SAGE1: variants seen among roughly 807,000 people sequenced by gnomAD.
SAGE1 encodes sarcoma antigen 1.
A neutral mutation model predicts 55.4 loss-of-function variants in SAGE1; 55 were observed. The ratio of observed to expected loss-of-function variants is 0.99; its 90% CI spans 0.80 to 1.24. The LOEUF is 1.24. Ranked by LOEUF, SAGE1 falls within the 50% of genes most tolerant of loss-of-function variation. The pLI is 0.00. For synonymous variants in SAGE1, 240 were observed against 244.3 expected (o/e 0.98, Z 0.17); for missense variants, 710 against 704.4 (o/e 1.01, Z -0.09).
In SAGE1 at chrX:135,904,585, C is replaced by G; in HGVS notation, c.313+16C>G. ...CCATGGCCTGGTAATATGGCAGCAG[C>G]AGGAATTTCATCCATGAGTATGAAA... is the stretch of plus-strand genomic sequence containing the variant. On this transcript the variant is annotated intron_variant, in intron 4 of 19. Coordinates refer to ENST00000370709, the MANE Select transcript of SAGE1 (RefSeq NM_001381902.1). 9.6e-7 allele frequency: 1 copy of G among 1,045,805 alleles called. No individual in the cohort carries two copies. The highest frequency in any genetic ancestry group is 3.1e-5 in the East Asian group (1 of 32,765). The allele number at this position is 1,045,805 out of a possible 1,213,427, so 86.2% of individuals were successfully genotyped here.
At chrX:135,901,262 A>C (rs2088674760) in intron 2 of SAGE1, among the ~76,000 whole-genome samples, 1 of 109,930 alleles carries the variant, frequency 9.1e-6, no homozygotes, top group Admixed American at 9.8e-5. Context: ...CCATATGTTT[A>C]TACCTTTGGA....
chrX:135,895,518 A>C (rs1556592935), intron 1 of SAGE1, among the ~76,000 whole-genome samples: 1 of 112,422 alleles, frequency 8.9e-6, no homozygotes, highest in Admixed American at 9.4e-5. Context: ...CCCACTACCC[A>C]GTGTTCCCTG....
Position 135,912,921 on chromosome X carries a change from A to G in SAGE1, c.*24A>G, listed in dbSNP as rs782113832. 9.8e-7 allele frequency: 1 copy of G among 1,024,441 alleles called. No homozygotes were observed. The highest frequency in any genetic ancestry group is 1.4e-6 in the Non-Finnish European group (1 of 729,295). 84.4% of individuals were successfully genotyped at this position (1,024,441 alleles called of 1,213,427 possible). On this transcript the variant is annotated 3_prime_UTR_variant, in exon 20 of 20. Transcript: ENST00000370709. The stretch of plus-strand genomic sequence containing the variant: ...AATTGTGTTAGTGCAAAGACCAAGG[A>G]GAAACAAGGACATATGCTGTAGGAT...
intron 2 of SAGE1, among the ~76,000 whole-genome samples, chrX:135,899,296 T>C (rs1202395983): frequency 1.8e-5 from 2 of 112,085 alleles, no homozygotes; most frequent in East Asian, 5.6e-4. Context: ...GAAGATCAGA[T>C]AATTATCACT....
At chrX:135,901,138 G>A (rs1326103644) in intron 2 of SAGE1, among the ~76,000 whole-genome samples, 11 of 17,824 alleles carry the variant, frequency 6.2e-4, no homozygotes, top group Admixed American at 3.0e-3. Flanking sequence ...GCAAGACTCC[G>A]TCTAAAAAAA....
At chrX:135,907,160 T>C in intron 8 of SAGE1, 94 bp downstream of exon 8, 1 of 1,064,733 alleles carries the variant, frequency 9.4e-7, no homozygotes, top group South Asian at 2.2e-5. Context: ...GTATCATCTA[T>C]CTTGAGCTCA....
rs190080819 is a variant in SAGE1, at chrX:135,902,763, C to T, written c.220+1072C>T. On this transcript the variant is annotated intron_variant, in intron 3 of 19. Coordinates refer to ENST00000370709, the MANE Select transcript of SAGE1 (RefSeq NM_001381902.1). The stretch of plus-strand genomic sequence containing the variant: ...GTTATCTCATGATTCTTTTATTACT[C>T]TCTCATTTCCCATTTCTTAGCAAGT... Among the ~76,000 whole-genome samples, 3 of 111,449 alleles carry T rather than the reference C, an allele frequency of 2.7e-5. No homozygotes were observed. The East Asian group carries it at 8.5e-4, about 32-fold the overall frequency.
rs2088924952 is a variant in SAGE1, at chrX:135,912,996, C to A, written c.*99C>A. 1.9e-6 allele frequency: 1 copy of A among 538,537 alleles called. No homozygotes were observed. Among genetic ancestry groups the A allele is most frequent in the Non-Finnish European group, 3.0e-6 (1 of 332,124 alleles). The allele number at this position is 538,537 out of a possible 1,213,427, so 44.4% of individuals were successfully genotyped here. A position where few individuals can be genotyped will look rare whatever the true frequency, so the allele number is the denominator to read the frequency against. ...CTATAATCCTGAAATGAAGAGAATTCCCTTCCAGAAGCTACGAAAAAGGGA... is the reference window on the plus strand; with the variant it reads ...CTATAATCCTGAAATGAAGAGAATTACCTTCCAGAAGCTACGAAAAAGGGA... On this transcript the variant is annotated 3_prime_UTR_variant, in exon 20 of 20. Transcript: ENST00000370709.
chrX:135,907,156 T>C, intron 8 of SAGE1, 90 bp downstream of exon 8: 1 of 1,077,385 alleles, frequency 9.3e-7, no homozygotes, highest in Non-Finnish European at 1.3e-6. Flanking sequence ...TGTTGTATCA[T>C]CTATCTTGAG....
chrX:135,904,433 T>C (rs782259831), intron 3 of SAGE1, 44 bp from the exon 4 acceptor site: 8 of 866,399 alleles, frequency 9.2e-6, no homozygotes, highest in African/African-American at 2.0e-5. Context: ...GCCATTGACA[T>C]AATGCACTTA....
chrX:135,902,584 G>T (rs143221791), intron 3 of SAGE1, among the ~76,000 whole-genome samples: 1 of 112,007 alleles, frequency 8.9e-6, no homozygotes, highest in South Asian at 3.7e-4. Context: ...TCCCACCATG[G>T]CCTAGTTCAA....
chrX:135,910,447 A>G lies in SAGE1; in HGVS notation c.1897A>G (p.Lys633Glu), dbSNP rs376122017. Residue 633 changes from lysine (K) to glutamate (E), a missense_variant, in exon 16 of 20, where the codon AAG (lysine) becomes GAG (glutamate). Lys to Glu is a moderately conservative substitution (Grantham distance 56, BLOSUM62 1). Coordinates refer to ENST00000370709, the MANE Select transcript of SAGE1 (RefSeq NM_001381902.1). ...AAVTHNIREE[K>E]INNSQPAPGN... Reference sequence around the variant, plus strand: ...AGTCACTCACAACATCCGTGAAGAGAAGATAAATAACAGCCAACCAGCACC... The same window carrying G: ...AGTCACTCACAACATCCGTGAAGAGGAGATAAATAACAGCCAACCAGCACC... 3.1e-5 allele frequency: 37 copies of G among 1,208,815 alleles called. No homozygotes were observed. Among genetic ancestry groups the G allele is most frequent in the Non-Finnish European group, 4.1e-5 (37 of 894,480 alleles).
chrX:135,908,690 G>C, intron 12 of SAGE1, 73 bp downstream of exon 12: 1 of 1,074,144 alleles, frequency 9.3e-7, no homozygotes, highest in Non-Finnish European at 1.3e-6. Context: ...AGGGAAGAAG[G>C]TTGTTTTGTG....
intron 3 of SAGE1, among the ~76,000 whole-genome samples, chrX:135,902,845 A>G (rs2088701925): frequency 1.8e-5 from 2 of 112,125 alleles, no homozygotes; most frequent in Admixed American, 1.9e-4. Context: ...CTATGCCTCC[A>G]GTGCATGCTG....
chrX:135,900,767 T>G (rs1344506726), intron 2 of SAGE1, among the ~76,000 whole-genome samples: 2 of 38,779 alleles, frequency 5.2e-5, no homozygotes, highest in East Asian at 2.7e-3. Flanking sequence ...TGGGAAAATT[T>G]ATCTTTTCAA....
intron 13 of SAGE1, 109 bp from the exon 14 acceptor site, chrX:135,909,530 C>A (rs1556604808): frequency 1.2e-6 from 1 of 827,067 alleles, no homozygotes; most frequent in Non-Finnish European, 1.7e-6. Context: ...CTGTTATAGC[C>A]TCCTGTGTTA....
At chrX:135,906,846 A>G (rs2088802386) in intron 7 of SAGE1, 80 bp from the exon 8 acceptor site, 1 of 1,059,294 alleles carries the variant, frequency 9.4e-7, no homozygotes, top group Non-Finnish European at 1.3e-6. Flanking sequence ...TTTCCTAGAA[A>G]CTGAGCATCA....
intron 2 of SAGE1, among the ~76,000 whole-genome samples, 169 bp from the exon 3 acceptor site, chrX:135,901,390 G>T (rs2088678019): frequency 9.0e-6 from 1 of 111,385 alleles, no homozygotes; most frequent in East Asian, 2.8e-4. Context: ...ACTAAAATTA[G>T]CTTGCCTTTT....
chrX:135,904,923 G>T (rs2088757668), intron 4 of SAGE1, among the ~76,000 whole-genome samples: 1 of 111,593 alleles, frequency 9.0e-6, no homozygotes, highest in Non-Finnish European at 1.9e-5. Context: ...ACCCCAACGA[G>T]ATAATGTCAT....
Sources: allele counts gnomAD v4.1 joint callset (sites outside exome capture counted in the v4.1 genomes callset), GRCh38; gene constraint gnomAD v4.1.1; transcripts MANE v1.5; gene names NCBI Gene and HGNC (gene_info 2026-07-23, HGNC 2026-07-21).